The following DST variants were observed in gnomAD, a reference collection of about 807,000 sequenced individuals.
DST encodes dystonin, also known as bullous pemphigoid antigen.
In DST, 253 loss-of-function variants were observed where a neutral mutation model predicts 875.2. The observed-to-expected ratio is 0.29, with a 90% CI of 0.26 to 0.32. The LOEUF is 0.32. Among genes scored for constraint, DST ranks in the 10% least tolerant of loss-of-function variants. The probability of loss-of-function intolerance (pLI) is 1.00; values close to 1 mark genes in which losing one functional copy is unlikely to be tolerated. For synonymous variants in DST, 3,124 were observed against 3,197.1 expected (o/e 0.98, Z 0.77); for missense variants, 8,287 against 9,111.6 (o/e 0.91, Z 3.68).
chr6:56,654,370 G>A (rs2098992477), intron 10 of DST, among the ~76,000 whole-genome samples: 1 of 151,830 alleles, frequency 6.6e-6, no homozygotes, highest in Non-Finnish European at 1.5e-5. Flanking sequence ...CTTTAAATTA[G>A]AAGTATAAAA....
chr6:56,509,590 C>T, intron 74 of DST, 52 bp downstream of exon 74: 1 of 1,388,806 alleles, frequency 7.2e-7, no homozygotes, highest in Non-Finnish European at 1.0e-6. Context: ...GAGTAAACCG[C>T]ATAAACATTT....
chr6:56,725,052 G>A (rs1442900078), intron 5 of DST, among the ~76,000 whole-genome samples: 2 of 152,104 alleles, frequency 1.3e-5, no homozygotes, highest in South Asian at 2.1e-4. Flanking sequence ...CAAATAAGAG[G>A]GCACTATTCT....
intron 5 of DST, among the ~76,000 whole-genome samples, chr6:56,729,073 G>T (rs1257174074): frequency 1.3e-5 from 2 of 151,852 alleles, no homozygotes; most frequent in Non-Finnish European, 2.9e-5. Flanking sequence ...AGCTCAATCT[G>T]GGTAAACAGT....
At position 56,604,789 on chromosome 6, in the gene DST, A is replaced by G; in HGVS notation, c.9839T>C (p.Val3280Ala). The G allele has an allele frequency of 1.9e-6, 3 of 1,612,774 alleles. No homozygotes were observed. Among genetic ancestry groups the G allele is most frequent in the Non-Finnish European group, 2.5e-6 (3 of 1,179,214 alleles). The change falls in exon 40 of 104, where the codon GTA becomes GCA. Residue 3280 changes from valine (V) to alanine (A), a missense_variant. Physicochemically the swap from Val to Ala is moderately conservative, Grantham distance 64 (BLOSUM62 0). This residue lies in a region of DST where 3,138 missense variants were observed against 3,116.6 expected (regional missense o/e 1.01). Coordinates refer to ENST00000680361, the MANE Select transcript of DST (RefSeq NM_001374736.1). ...ATLSILSRKHVEDVGKNDFLQ... is the reference protein window; with the variant it reads ...ATLSILSRKHAEDVGKNDFLQ... The stretch of plus-strand genomic sequence containing the variant: ...AAAATCATTTTTCCCAACATCTTCT[A>G]CATGTTTACGAGATAATATTGAAAG...
intron 3 of DST, among the ~76,000 whole-genome samples, chr6:56,882,621 CAG>C (rs932447319): frequency 1.6e-4 from 24 of 152,152 alleles, no homozygotes; most frequent in African/African-American, 5.8e-4. Context: ...ATCTCCTGAG[CAG>C]AGAGTCACAT....
intron 55 of DST, among the ~76,000 whole-genome samples, chr6:56,564,159 C>T (rs1263209861): frequency 6.6e-6 from 1 of 152,164 alleles, no homozygotes; most frequent in African/African-American, 2.4e-5. Flanking sequence ...CTACAAATTA[C>T]TTTGGGTAGT....
chr6:56,689,891 T>C (rs2099216054), intron 9 of DST, among the ~76,000 whole-genome samples: 1 of 152,116 alleles, frequency 6.6e-6, no homozygotes, highest in African/African-American at 2.4e-5. Flanking sequence ...AAAAGAATGT[T>C]TTCTGGAAAG....
intron 9 of DST, among the ~76,000 whole-genome samples, chr6:56,679,817 C>T (rs1308988127): frequency 2.0e-5 from 3 of 152,036 alleles, no homozygotes; most frequent in Non-Finnish European, 4.4e-5. Context: ...TACCCTACCA[C>T]ATCTACTTTT....
At chr6:56,596,517 C>A (rs2098389393) in intron 47 of DST, among the ~76,000 whole-genome samples, 1 of 152,176 alleles carries the variant, frequency 6.6e-6, no homozygotes, top group African/African-American at 2.4e-5. Flanking sequence ...AACTGACTCA[C>A]AATGTTCCTT....
chr6:56,695,015 T>C (rs1338844049), intron 9 of DST, among the ~76,000 whole-genome samples: 1 of 150,170 alleles, frequency 6.7e-6, no homozygotes, highest in Non-Finnish European at 1.5e-5. Flanking sequence ...TAATCCCAGC[T>C]ACTTGGGAGG....
At chr6:56,477,543 T>G in intron 90 of DST, 55 bp from the exon 91 acceptor site, 1 of 1,602,730 alleles carries the variant, frequency 6.2e-7, no homozygotes, top group Non-Finnish European at 8.5e-7. Context: ...AAAACAAAAC[T>G]CTGGTGGCAT....
At position 56,561,351 on chromosome 6, in the gene DST, G is replaced by A; in HGVS notation, c.14267C>T (p.Pro4756Leu). The change falls in exon 57 of 104, where the codon CCT (proline) becomes CTT (leucine). Residue 4756 changes from proline (P) to leucine (L), a missense_variant. Physicochemically the swap from Pro to Leu is moderately conservative, Grantham distance 98 (BLOSUM62 -3). Transcript: ENST00000680361. Reference protein sequence around the residue: ...TATKWQQTPAPTDTEAVKTQV... With the variant: ...TATKWQQTPALTDTEAVKTQV... ...AGTCTTCACAGCTTCAGTATCTGTA[G>A]GTGCAGGTGTCTGCTGCCATTTTGT... 1 of 1,613,632 alleles carries A rather than the reference G, an allele frequency of 6.2e-7. No homozygotes were observed. Among genetic ancestry groups the A allele is most frequent in the Non-Finnish European group, 8.5e-7 (1 of 1,179,730 alleles).
chr6:56,888,526 T>C lies in DST; in HGVS notation c.417+11895A>G, dbSNP rs550206237. Among the ~76,000 whole-genome samples, 22 of 152,228 alleles carry C rather than the reference T, an allele frequency of 1.4e-4. No individual in the cohort carries two copies. In the Middle Eastern group the frequency reaches 0.014, roughly 94 times the overall value. ...TATGCCTTCCACAAAAGGGGAAATATCCTAAGGTTATGCACATAGAGCTGC... is the reference window on the plus strand; with the variant it reads ...TATGCCTTCCACAAAAGGGGAAATACCCTAAGGTTATGCACATAGAGCTGC... On this transcript the variant is annotated intron_variant, in intron 3 of 103. Transcript: ENST00000680361.
intron 4 of DST, among the ~76,000 whole-genome samples, chr6:56,781,927 C>T (rs544764826): frequency 6.6e-6 from 1 of 152,278 alleles, no homozygotes; most frequent in African/African-American, 2.4e-5. Flanking sequence ...CAGTTTTTAG[C>T]ATGAAGAGTT....
chr6:56,899,410 C>A (rs1792969930), intron 3 of DST, among the ~76,000 whole-genome samples: 1 of 152,070 alleles, frequency 6.6e-6, no homozygotes, highest in African/African-American at 2.4e-5. Flanking sequence ...AATTTAACTT[C>A]TTTCCATTGT....
At chr6:56,561,098 C>T (rs1401659533) in intron 57 of DST, among the ~76,000 whole-genome samples, 1 of 152,042 alleles carries the variant, frequency 6.6e-6, no homozygotes, top group African/African-American at 2.4e-5. Context: ...GTTTGCTAAC[C>T]TATGACATGG....
intron 90 of DST, among the ~76,000 whole-genome samples, chr6:56,479,930 T>G (rs1443665590): frequency 6.6e-6 from 1 of 152,220 alleles, no homozygotes; most frequent in Non-Finnish European, 1.5e-5. Flanking sequence ...AATTTAAATT[T>G]ATATGATATG....
chr6:56,667,512 A>T (rs974158165), intron 10 of DST, among the ~76,000 whole-genome samples: 21 of 152,214 alleles, frequency 1.4e-4, no homozygotes, highest in Admixed American at 1.3e-3. Flanking sequence ...GCCACAGGAC[A>T]ACGACAGAAT....
intron 49 of DST, among the ~76,000 whole-genome samples, chr6:56,581,764 C>T (rs541308522): frequency 5.9e-5 from 9 of 152,354 alleles, no homozygotes; most frequent in African/African-American, 2.2e-4. Flanking sequence ...TCATCCTTGG[C>T]CATGGGCCTA....
Sources: allele counts gnomAD v4.1 joint callset (sites outside exome capture counted in the v4.1 genomes callset), GRCh38; gene constraint gnomAD v4.1.1; regional missense constraint gnomAD v4.1.1; transcripts MANE v1.5; gene names NCBI Gene and HGNC (gene_info 2026-07-23, HGNC 2026-07-21).